Variants in TTC28 observed in about 807,000 individuals in gnomAD.
The protein encoded by TTC28 is tetratricopeptide repeat domain 28.
In TTC28, 61 loss-of-function variants were observed where a neutral mutation model predicts 198.0. That is an observed-to-expected ratio of 0.31 (90% CI 0.25 to 0.38). The LOEUF (loss-of-function observed/expected upper bound fraction) is 0.38. Ranked by LOEUF, TTC28 falls within the 10% of genes least tolerant of loss-of-function variation. TTC28 has a pLI of 1.00. For synonymous variants in TTC28, 1,171 were observed against 1,297.8 expected (o/e 0.90, Z 2.10); for missense variants, 2,678 against 3,164.0 (o/e 0.85, Z 3.69).
chr22:28,045,144 G>A (rs928169584), intron 12 of TTC28, among the ~76,000 whole-genome samples: 5 of 152,108 alleles, frequency 3.3e-5, no homozygotes, highest in African/African-American at 1.2e-4. Context: ...CATCGATAAG[G>A]CTCAACTCAA....
At chr22:28,270,478 A>G (rs1931991344) in intron 5 of TTC28, among the ~76,000 whole-genome samples, 1 of 152,228 alleles carries the variant, frequency 6.6e-6, no homozygotes, top group African/African-American at 2.4e-5. Flanking sequence ...AACCCAAAGC[A>G]ACTCTAGACT....
chr22:28,517,864 A>G (rs918376486), intron 2 of TTC28, among the ~76,000 whole-genome samples: 3 of 152,176 alleles, frequency 2.0e-5, no homozygotes, highest in African/African-American at 7.2e-5. Flanking sequence ...ACGCAAACAC[A>G]TTCAAAGTGA....
chr22:28,463,401 TTG>T (rs2047976041), intron 2 of TTC28, among the ~76,000 whole-genome samples: 1 of 152,148 alleles, frequency 6.6e-6, no homozygotes. Context: ...GACCCAGCCA[TTG>T]CATTACTGGG....
intron 2 of TTC28, among the ~76,000 whole-genome samples, chr22:28,602,420 AATG>A (rs1446047497): frequency 1.3e-5 from 2 of 152,212 alleles, no homozygotes; most frequent in Admixed American, 6.5e-5. Flanking sequence ...GTACTGTATC[AATG>A]ATAATGTTCT....
At chr22:28,642,616 G>A (rs5762729) in intron 1 of TTC28, among the ~76,000 whole-genome samples, 152,111 of 152,296 alleles carry the variant, frequency 1, 75,963 homozygotes, top group Non-Finnish European at 1. Flanking sequence ...AAAAGAAAGT[G>A]AAGAAGTTGG....
chr22:28,391,671 G>A (rs534355091), intron 2 of TTC28, among the ~76,000 whole-genome samples: 12 of 152,096 alleles, frequency 7.9e-5, no homozygotes, highest in African/African-American at 1.9e-4. Context: ...CATAGTTCTC[G>A]AGCCTTGGTT....
intron 5 of TTC28, among the ~76,000 whole-genome samples, chr22:28,175,220 A>T (rs1454556266): frequency 6.6e-6 from 1 of 152,188 alleles, no homozygotes; most frequent in Non-Finnish European, 1.5e-5. Flanking sequence ...TTTTTAAAAC[A>T]TGAGCTCAAA....
intron 2 of TTC28, among the ~76,000 whole-genome samples, chr22:28,348,517 G>A (rs1266214556): frequency 6.6e-6 from 1 of 152,122 alleles, no homozygotes; most frequent in African/African-American, 2.4e-5. Context: ...AACATCCTTG[G>A]AATTAACATT....
At position 28,473,162 on chromosome 22, in the gene TTC28, T is replaced by C. The variant is rs553268761; in HGVS notation, c.381+156390A>G. ...TATAATGAAATAAAAATGAAAAAGG[T>C]ATGAAAGCTGAAAATAATAAAGTCA... On this transcript the variant is annotated intron_variant, in intron 2 of 22. Coordinates refer to ENST00000397906, the MANE Select transcript of TTC28 (RefSeq NM_001145418.2). 3.3e-5 allele frequency among the ~76,000 whole-genome samples: 5 copies of C among 152,206 alleles called. No homozygotes were observed. The South Asian group carries it at 1.0e-3, about 32-fold the overall frequency.
chr22:28,659,020 G>A (rs1012724466), intron 1 of TTC28, among the ~76,000 whole-genome samples: 2 of 151,848 alleles, frequency 1.3e-5, no homozygotes, highest in Non-Finnish European at 2.9e-5. Flanking sequence ...AACAATTGAA[G>A]AAAAAAAGAG....
Position 28,528,894 on chromosome 22 carries a change from T to C in TTC28, c.381+100658A>G, listed in dbSNP as rs2049067677. ...CAGTAAAATTAATATGAAAAACAAA[T>C]GGACTTCAGACATACAAACAACAAC... is the stretch of plus-strand genomic sequence containing the variant. On this transcript the variant is annotated intron_variant, in intron 2 of 22. Transcript: ENST00000397906. 2.0e-5 allele frequency among the ~76,000 whole-genome samples: 3 copies of C among 152,020 alleles called. No individual in the cohort carries two copies. In the South Asian group the frequency reaches 6.2e-4, roughly 32 times the overall value.
Position 28,108,022 on chromosome 22 carries a change from C to A in TTC28, c.1823G>T (p.Gly608Val). 6.4e-7 allele frequency: 1 copy of A among 1,551,620 alleles called. No individual in the cohort carries two copies. The highest frequency in any genetic ancestry group is 1.2e-5 in the South Asian group (1 of 84,034). The change falls in exon 7 of 23, where the codon GGA becomes GTA. Residue 608 changes from glycine to valine, a missense_variant. Transcript: ENST00000397906. ...SNLGNFHCSR[G>V]EYVQAAPYYE... ...ATAGGGGGCAGCCTGGACATACTCT[C>A]CCCGAGAGCAGTGGAAATTGCCCAG...
chr22:28,537,587 C>T (rs2049321760), intron 2 of TTC28, among the ~76,000 whole-genome samples: 1 of 151,438 alleles, frequency 6.6e-6, no homozygotes, highest in African/African-American at 2.4e-5. Context: ...GAAGGAAAGA[C>T]CAAGAAGCGT....
chr22:28,221,495 T>C (rs1299850660), intron 5 of TTC28, among the ~76,000 whole-genome samples: 1 of 152,192 alleles, frequency 6.6e-6, no homozygotes, highest in African/African-American at 2.4e-5. Context: ...AAGAACTGGC[T>C]TTGATAGTTT....
At chr22:28,314,165 A>T (rs2145831059) in intron 2 of TTC28, among the ~76,000 whole-genome samples, 1 of 152,298 alleles carries the variant, frequency 6.6e-6, no homozygotes, top group South Asian at 2.1e-4. Context: ...GGGATGTGAC[A>T]GACCTCTTCA....
rs529376461 is a variant in TTC28 at position 28,031,417 on chromosome 22, C to A, written c.3933-1051G>T. On this transcript the variant is annotated intron_variant, in intron 12 of 22. Transcript: ENST00000397906. ...ACTTTCAGACCTTCCTACTAAGGAC[C>A]GGTGTGAAGAAGTGGAGGGCACCAG... 2.0e-5 allele frequency among the ~76,000 whole-genome samples: 3 copies of A among 152,194 alleles called. No homozygotes were observed. In the South Asian group the frequency reaches 6.2e-4, roughly 32 times the overall value.
intron 1 of TTC28, among the ~76,000 whole-genome samples, chr22:28,641,312 G>A (rs1340529516): frequency 2.0e-5 from 3 of 150,724 alleles, no homozygotes; most frequent in African/African-American, 4.9e-5. Context: ...GACAGAGCAA[G>A]ACTCCGTCTC....
At chr22:28,074,749 C>G (rs913314203) in intron 12 of TTC28, among the ~76,000 whole-genome samples, 12 of 152,186 alleles carry the variant, frequency 7.9e-5, no homozygotes, top group East Asian at 3.8e-4. Context: ...CAGATTATCC[C>G]CCCCCATGTA....
intron 13 of TTC28, among the ~76,000 whole-genome samples, chr22:28,014,962 C>T (rs1006992061): frequency 1.3e-5 from 2 of 152,216 alleles, no homozygotes; most frequent in Admixed American, 6.5e-5. Flanking sequence ...CAGAGTGGGT[C>T]GGTTTGAGTA....
Sources: allele counts gnomAD v4.1 joint callset (sites outside exome capture counted in the v4.1 genomes callset), GRCh38; gene constraint gnomAD v4.1.1; transcripts MANE v1.5; gene names NCBI Gene and HGNC (gene_info 2026-07-23, HGNC 2026-07-21).